ANK2: variants seen among roughly 807,000 people sequenced by gnomAD.
ANK2 encodes the protein ankyrin 2.
Under a neutral mutation model 360.5 loss-of-function variants are expected in ANK2, and 83 were observed. The ratio of observed to expected loss-of-function variants is 0.23; its 90% CI spans 0.19 to 0.28. The LOEUF is 0.28. Among genes scored for constraint, ANK2 ranks in the 10% least tolerant of loss-of-function variants. ANK2 has a pLI of 1.00. For synonymous variants in ANK2, 1,740 were observed against 1,759.5 expected, an observed-to-expected ratio of 0.99 and a Z score of 0.28; for missense variants, 4,201 against 4,795.7, an observed-to-expected ratio of 0.88 and a Z score of 3.66.
At chr4:112,868,027 A>G (rs750975101) in intron 1 of ANK2, among the ~76,000 whole-genome samples, 7 of 152,188 alleles carry the variant, frequency 4.6e-5, no homozygotes, top group Non-Finnish European at 8.8e-5. Flanking sequence ...TCAGCATAAT[A>G]TGAGGGCTCT....
At chr4:113,093,710 CAGCTT>C (rs2089683344) in intron 1 of ANK2, among the ~76,000 whole-genome samples, 1 of 152,214 alleles carries the variant, frequency 6.6e-6, no homozygotes, top group Non-Finnish European at 1.5e-5. Context: ...AAATAAAAGT[CAGCTT>C]TCCTCTCCTC....
chr4:113,016,587 C>T (rs919955520), intron 2 of ANK2, among the ~76,000 whole-genome samples: 1 of 152,138 alleles, frequency 6.6e-6, no homozygotes, highest in Non-Finnish European at 1.5e-5. Context: ...AAGGCATTAG[C>T]TGATTGTGTA....
At chr4:113,077,576 C>T (rs1341363359) in intron 1 of ANK2, among the ~76,000 whole-genome samples, 1 of 152,168 alleles carries the variant, frequency 6.6e-6, no homozygotes, top group East Asian at 1.9e-4. Flanking sequence ...GTCCTATTAA[C>T]CAGTAACTAC....
the ANK2 span, chr4:112,788,128 C>T: frequency 3.8e-6 from 6 of 1,580,360 alleles, no homozygotes; most frequent in African/African-American, 1.3e-5. Flanking sequence ...CCTTTTCGAG[C>T]TTGGCAATGC....
chr4:112,760,642 T>C, the ANK2 span, among the ~76,000 whole-genome samples: 1 of 151,952 alleles, frequency 6.6e-6, no homozygotes, highest in Non-Finnish European at 1.5e-5. Flanking sequence ...GCTGCACCCA[T>C]TAACTCGTCA....
At position 113,131,391 on chromosome 4, in the gene ANK2, C is replaced by T. The variant is rs574161110; in HGVS notation, c.85-43025C>T. On this transcript the variant is annotated intron_variant, in intron 1 of 45. Transcript: ENST00000357077. Reference sequence around the variant, plus strand: ...ATGCAATGCTCCTGCAATGAGAAAACTGTACACACCAGTGACCCAGGCATC... The same window carrying T: ...ATGCAATGCTCCTGCAATGAGAAAATTGTACACACCAGTGACCCAGGCATC... 2.0e-4 allele frequency among the ~76,000 whole-genome samples: 30 copies of T among 152,306 alleles called. 1 individual carries two copies. In the South Asian group the frequency reaches 6.0e-3, roughly 30 times the overall value.
intron 43 of ANK2, among the ~76,000 whole-genome samples, chr4:113,371,556 A>G: frequency 6.6e-6 from 1 of 152,332 alleles, no homozygotes; most frequent in Non-Finnish European, 1.5e-5. Flanking sequence ...AGTCACTCTG[A>G]ATTTCACATA....
chr4:113,165,434 T>A (rs2097717187), intron 1 of ANK2, among the ~76,000 whole-genome samples: 3 of 152,158 alleles, frequency 2.0e-5, no homozygotes, highest in African/African-American at 7.2e-5. Context: ...TTAGGGCAAA[T>A]TATCTGGAAA....
chr4:113,080,940 C>G (rs897401911), intron 1 of ANK2, among the ~76,000 whole-genome samples: 2 of 152,062 alleles, frequency 1.3e-5, no homozygotes, highest in African/African-American at 4.8e-5. Flanking sequence ...GTATAGTAAC[C>G]TCCATGTTAA....
chr4:112,839,381 G>A (rs2061636537), intron 1 of ANK2, among the ~76,000 whole-genome samples: 1 of 152,008 alleles, frequency 6.6e-6, no homozygotes, highest in Non-Finnish European at 1.5e-5. Flanking sequence ...GAAATCTGCT[G>A]ATGGAGCATA....
chr4:113,165,565 G>A (rs977121006), intron 1 of ANK2, among the ~76,000 whole-genome samples: 3 of 152,090 alleles, frequency 2.0e-5, no homozygotes, highest in African/African-American at 7.2e-5. Context: ...ATGGTTAGAG[G>A]TTGTATGTGG....
intron 4 of ANK2, 25 bp downstream of exon 4, chr4:113,199,134 T>C (rs1403089997): frequency 1.3e-6 from 2 of 1,530,790 alleles, no homozygotes; most frequent in Non-Finnish European, 1.8e-6. Context: ...TTTTCCCTGA[T>C]GTACATACAT....
chr4:112,935,390 C>T (rs2093643114), intron 2 of ANK2, among the ~76,000 whole-genome samples: 1 of 152,110 alleles, frequency 6.6e-6, no homozygotes, highest in Admixed American at 6.5e-5. Flanking sequence ...TTCTTTGAGT[C>T]CTTCTGATGG....
intron 4 of ANK2, chr4:113,217,119 T>C (rs949882093): frequency 1.3e-5 from 2 of 152,210 alleles, no homozygotes. Flanking sequence ...CAGCCACCGG[T>C]ACACTAGACA....
At chr4:112,970,745 A>G (rs987936616) in intron 2 of ANK2, among the ~76,000 whole-genome samples, 1 of 152,174 alleles carries the variant, frequency 6.6e-6, no homozygotes, top group Admixed American at 6.5e-5. Flanking sequence ...TTTCAGTTAG[A>G]CAGATGAAGA....
chr4:112,743,517 CCTTTCTTT>C, the ANK2 span, among the ~76,000 whole-genome samples: 2 of 144,540 alleles, frequency 1.4e-5, no homozygotes, highest in South Asian at 2.2e-4. Context: ...TTCCTTCCTT[CCTTTCTTT>C]CTTTCTGTCT....
At chr4:113,206,619 T>G (rs1337869988) in intron 4 of ANK2, among the ~76,000 whole-genome samples, 1 of 151,174 alleles carries the variant, frequency 6.6e-6, no homozygotes, top group African/African-American at 2.5e-5. Context: ...GGCCACTGGG[T>G]GATTACAAAT....
intron 22 of ANK2, among the ~76,000 whole-genome samples, chr4:113,296,735 C>T (rs1029739623): frequency 6.6e-6 from 1 of 152,084 alleles, no homozygotes; most frequent in African/African-American, 2.4e-5. Context: ...TACATGTTTG[C>T]CAGAATGGAT....
chr4:113,040,419 C>A, intron 2 of ANK2, among the ~76,000 whole-genome samples: 1 of 151,996 alleles, frequency 6.6e-6, no homozygotes, highest in African/African-American at 2.4e-5. Context: ...AACCAAATTA[C>A]CTCTGTGGTA....
Sources: allele counts gnomAD v4.1 joint callset (sites outside exome capture counted in the v4.1 genomes callset), GRCh38; gene constraint gnomAD v4.1.1; transcripts MANE v1.5; gene names NCBI Gene and HGNC (gene_info 2026-07-23, HGNC 2026-07-21).